The following RANBP17 variants were observed in gnomAD, a reference collection of about 807,000 sequenced individuals.
The protein encoded by RANBP17 is ran-binding protein 17.
A neutral mutation model predicts 141.2 loss-of-function variants in RANBP17; 158 were observed. The ratio of observed to expected loss-of-function variants is 1.12; its 90% CI spans 0.98 to 1.28. The LOEUF (loss-of-function observed/expected upper bound fraction) is 1.28. Ranked by LOEUF, RANBP17 falls within the 50% of genes most tolerant of loss-of-function variation. RANBP17 has a pLI of 0.00. For missense variants in RANBP17, 1,438 were observed against 1,290.7 expected, an observed-to-expected ratio of 1.11 and a Z score of -1.75; for synonymous variants, 430 against 450.0, an observed-to-expected ratio of 0.96 and a Z score of 0.56.
At chr5:171,129,663 G>A (rs112690963) in intron 14 of RANBP17, among the ~76,000 whole-genome samples, 5 of 152,256 alleles carry the variant, frequency 3.3e-5, no homozygotes, top group East Asian at 1.9e-4. Flanking sequence ...GCAATTCTGC[G>A]AAATTATGTC....
chr5:171,190,421 C>T (rs1036561064), intron 18 of RANBP17, among the ~76,000 whole-genome samples: 10 of 152,134 alleles, frequency 6.6e-5, no homozygotes, highest in Non-Finnish European at 1.5e-4. Flanking sequence ...GAATTGAAAG[C>T]ATTTCATCAT....
chr5:171,178,298 C>T (rs538372640), intron 16 of RANBP17, among the ~76,000 whole-genome samples: 6 of 151,254 alleles, frequency 4.0e-5, no homozygotes, highest in Admixed American at 1.3e-4. Flanking sequence ...TGTGTTAGTT[C>T]GCAGAGAATG....
chr5:171,289,610 C>T (rs551889827), intron 25 of RANBP17, among the ~76,000 whole-genome samples: 2 of 151,998 alleles, frequency 1.3e-5, no homozygotes, highest in Non-Finnish European at 2.9e-5. Flanking sequence ...ATGGTGGCAC[C>T]TGCCTGTAGT....
intron 21 of RANBP17, among the ~76,000 whole-genome samples, chr5:171,215,730 G>C (rs541147396): frequency 2.0e-5 from 3 of 151,836 alleles, no homozygotes; most frequent in Admixed American, 1.3e-4. Context: ...TTTATATCCT[G>C]TGCCCACTTT....
intron 14 of RANBP17, among the ~76,000 whole-genome samples, chr5:171,062,224 C>G (rs1247474983): frequency 6.6e-6 from 1 of 152,020 alleles, no homozygotes. Context: ...GGTGATTTTG[C>G]TCGTTAGTTG....
chr5:170,950,451 G>A (rs1561922112), intron 12 of RANBP17, among the ~76,000 whole-genome samples: 2 of 151,830 alleles, frequency 1.3e-5, no homozygotes, highest in South Asian at 4.1e-4. Flanking sequence ...CTCAAAAGGA[G>A]AACATACAAA....
intron 14 of RANBP17, among the ~76,000 whole-genome samples, chr5:171,129,398 C>G (rs1380808128): frequency 1.3e-5 from 2 of 152,142 alleles, no homozygotes; most frequent in East Asian, 3.9e-4. Context: ...GCTGTGTGGA[C>G]TTTTAGCTTA....
intron 14 of RANBP17, among the ~76,000 whole-genome samples, chr5:171,164,412 A>G (rs1759538668): frequency 6.6e-6 from 1 of 152,142 alleles, no homozygotes; most frequent in African/African-American, 2.4e-5. Context: ...TTTGTAGTTT[A>G]TGTCCGCATC....
chr5:170,974,785 T>A (rs904191029), intron 14 of RANBP17, among the ~76,000 whole-genome samples: 1 of 152,152 alleles, frequency 6.6e-6, no homozygotes, highest in Non-Finnish European at 1.5e-5. Context: ...GAAGGGGTAA[T>A]CACTTTAGCC....
intron 12 of RANBP17, among the ~76,000 whole-genome samples, chr5:170,937,993 C>A (rs958973605): frequency 6.6e-6 from 1 of 152,096 alleles, no homozygotes; most frequent in Non-Finnish European, 1.5e-5. Flanking sequence ...CGTGAAATTT[C>A]TTAGGTTTTT....
intron 25 of RANBP17, among the ~76,000 whole-genome samples, chr5:171,268,603 CAT>C (rs1186704892): frequency 6.6e-6 from 1 of 151,836 alleles, no homozygotes; most frequent in African/African-American, 2.4e-5. Flanking sequence ...TCACAGCCCT[CAT>C]GTGTTTTGCA....
In RANBP17 at chr5:171,265,712, T is replaced by G. The variant is rs750755297; in HGVS notation, c.2808T>G (p.Ser936Arg). 6.2e-7 allele frequency: 1 copy of G among 1,613,988 alleles called. No individual in the cohort carries two copies. Among genetic ancestry groups the G allele is most frequent in the Non-Finnish European group, 8.5e-7 (1 of 1,179,972 alleles). The change falls in exon 25 of 28, where the codon AGT (serine) becomes AGG (arginine). Residue 936 changes from serine (S) to arginine (R), a missense_variant. Ser to Arg is a moderately radical substitution (Grantham distance 110). Coordinates refer to ENST00000523189, the MANE Select transcript of RANBP17 (RefSeq NM_022897.5). The part of the protein sequence containing the change: ...DTVVSSSCCT[S>R]LDYIVTYLFK... ...TTGTCTCCTCCAGCTGCTGTACCAG[T>G]TTAGACTACATCGTCACCTACCTCT...
At chr5:171,289,522 G>A (rs1027384336) in intron 25 of RANBP17, among the ~76,000 whole-genome samples, 4 of 152,118 alleles carry the variant, frequency 2.6e-5, no homozygotes. Flanking sequence ...AGGATTGCTT[G>A]AGGCCAAGAA....
intron 14 of RANBP17, among the ~76,000 whole-genome samples, chr5:171,132,668 A>G (rs1757001385): frequency 1.3e-5 from 2 of 151,746 alleles, no homozygotes; most frequent in Admixed American, 6.6e-5. Flanking sequence ...GCTACAGTGA[A>G]CCCTGATCAC....
intron 24 of RANBP17, 117 bp downstream of exon 24, chr5:171,242,937 T>G (rs1414495511): frequency 2.2e-5 from 20 of 902,974 alleles, no homozygotes; most frequent in Admixed American, 9.5e-5. Context: ...GAACCCAAAC[T>G]GAAAGATTAT....
At chr5:170,995,975 A>G (rs1438227492) in intron 14 of RANBP17, among the ~76,000 whole-genome samples, 1 of 152,020 alleles carries the variant, frequency 6.6e-6, no homozygotes, top group Non-Finnish European at 1.5e-5. Flanking sequence ...GCAGTGTGCT[A>G]TGATCACACC....
intron 15 of RANBP17, among the ~76,000 whole-genome samples, chr5:171,170,523 G>A (rs531125549): frequency 1.1e-4 from 17 of 152,008 alleles, no homozygotes; most frequent in African/African-American, 4.1e-4. Flanking sequence ...AGAAAAGCAC[G>A]CGATTTGAAA....
chr5:171,248,854 A>G (rs929582777), intron 24 of RANBP17, among the ~76,000 whole-genome samples: 1 of 152,120 alleles, frequency 6.6e-6, no homozygotes, highest in Non-Finnish European at 1.5e-5. Context: ...TACCACTGCT[A>G]CTTCCATCAC....
chr5:171,183,521 A>G (rs1446733558), intron 18 of RANBP17, 91 bp downstream of exon 18: 2 of 826,276 alleles, frequency 2.4e-6, no homozygotes, highest in Non-Finnish European at 4.0e-6. Context: ...ACAACATTTA[A>G]CTTATTAGAA....
Sources: gnomAD v4.1 joint callset for allele counts (sites outside exome capture counted in the v4.1 genomes callset) on GRCh38, gnomAD v4.1.1 for gene constraint, MANE v1.5 for transcripts, NCBI Gene and HGNC (gene_info 2026-07-23, HGNC 2026-07-21) for gene names.